TM9SF1: variants seen among roughly 807,000 people sequenced by gnomAD.
TM9SF1 encodes MP70 protein family member.
Under a neutral mutation model 52.4 loss-of-function variants are expected in TM9SF1, and 25 were observed. That is an observed-to-expected ratio of 0.48 (90% CI 0.35 to 0.67). The LOEUF is 0.67. Ranked by LOEUF, TM9SF1 falls within the 30% of genes least tolerant of loss-of-function variation. The probability of loss-of-function intolerance (pLI) is 0.01; values close to 1 mark genes in which losing one functional copy is unlikely to be tolerated. For synonymous variants in TM9SF1, 284 were observed against 299.8 expected (o/e 0.95, Z 0.55); for missense variants, 604 against 780.3 (o/e 0.77, Z 2.69).
intron 5 of TM9SF1, 159 bp from the exon 6 acceptor site, chr14:24,189,967 A>AT: frequency 7.2e-7 from 1 of 1,392,622 alleles, no homozygotes; most frequent in Non-Finnish European, 9.3e-7. Flanking sequence ...CTTCATGGGG[A>AT]TTTTTTGCCT....
In TM9SF1 at chr14:24,192,430, C is replaced by A; in HGVS notation, c.968-74G>T. 2.6e-5 allele frequency: 39 copies of A among 1,522,354 alleles called. No individual in the cohort carries two copies. The highest frequency in any genetic ancestry group is 3.5e-5 in the Non-Finnish European group (39 of 1,118,936). 94.3% of individuals were successfully genotyped at this position (1,522,354 alleles called of 1,614,324 possible). ...TCTAGCAATTTCAGAGGAATCAGCC[C>A]CCCTTCTCCCAGACCCAGGGCCTCC... On this transcript the variant is annotated intron_variant, in intron 3 of 5. Transcript: ENST00000261789. This position sits in a 1 kb window ranked among gnomAD's most constrained non-coding sequence, Gnocchi z 4.0.
rs2039335420 is a variant in TM9SF1, at chr14:24,192,424, T to A, written c.968-68A>T. ...GTCTCTTCTAGCAATTTCAGAGGAATCAGCCCCCCTTCTCCCAGACCCAGG... is the reference window on the plus strand; with the variant it reads ...GTCTCTTCTAGCAATTTCAGAGGAAACAGCCCCCCTTCTCCCAGACCCAGG... On this transcript the variant is annotated intron_variant, in intron 3 of 5. Coordinates refer to ENST00000261789, the MANE Select transcript of TM9SF1 (RefSeq NM_006405.7). The surrounding 1 kb of genome is among the most constrained non-coding windows in gnomAD (Gnocchi z 4.0). The A allele has an allele frequency of 1.3e-6, 2 of 1,538,434 alleles. No individual in the cohort carries two copies. Among genetic ancestry groups the A allele is most frequent in the South Asian group, 2.3e-5 (2 of 85,978 alleles).
intron 5 of TM9SF1, 200 bp downstream of exon 5, chr14:24,190,180 C>CG (rs1041448043): frequency 2.2e-5 from 30 of 1,378,666 alleles, no homozygotes; most frequent in Middle Eastern, 4.7e-4. Context: ...GAAATGTCTC[C>CG]GGAGAGCTTT....
chr14:24,190,859 T>G (rs1374104571), intron 4 of TM9SF1, among the ~76,000 whole-genome samples: 6 of 128,698 alleles, frequency 4.7e-5, no homozygotes, highest in East Asian at 2.3e-4. Flanking sequence ...GTGTTTTTTT[T>G]TTTTTTTTTT....
At position 24,192,558 on chromosome 14, in the gene TM9SF1, GAA is replaced by G; in HGVS notation, c.967+88_967+89del. 6.8e-7 allele frequency: 1 copy of G among 1,471,830 alleles called. No individual in the cohort carries two copies. Among genetic ancestry groups the G allele is most frequent in the Non-Finnish European group, 9.1e-7 (1 of 1,097,882 alleles). The allele number at this position is 1,471,830 out of a possible 1,614,324, so 91.2% of individuals were successfully genotyped here. A position where few individuals can be genotyped will look rare whatever the true frequency, so the allele number is the denominator to read the frequency against. ...TCCCTTAGGTCTGCCCCTCTGGATA[GAA>G]GAGAAGATCCACAGACCTTTTCTGA... On this transcript the variant is annotated intron_variant, in intron 3 of 5. Transcript: ENST00000261789. The surrounding 1 kb of genome is among the most constrained non-coding windows in gnomAD (Gnocchi z 4.0).
chr14:24,193,469 C>A (rs1397536801), intron 2 of TM9SF1, among the ~76,000 whole-genome samples, 200 bp from the exon 3 acceptor site: 1 of 151,882 alleles, frequency 6.6e-6, no homozygotes, highest in African/African-American at 2.4e-5. Context: ...TGGGTTCAAG[C>A]AATTCTCCTG....
At chr14:24,193,313 G>A (rs573285749) in intron 2 of TM9SF1, 44 bp from the exon 3 acceptor site, 2 of 1,538,646 alleles carry the variant, frequency 1.3e-6, no homozygotes, top group Non-Finnish European at 1.7e-6. Context: ...GATCTCCCCA[G>A]GCGCAGAGTT....
rs2039383417 is a variant in TM9SF1, at chr14:24,195,334, C to T, written c.-18+12G>A. The T allele has an allele frequency of 2.0e-5, 6 of 305,600 alleles. 1 individual carries two copies. Among genetic ancestry groups the T allele is most frequent in the East Asian group, 1.8e-4 (3 of 16,688 alleles). The allele number at this position is 305,600 out of a possible 1,614,324, so 18.9% of individuals were successfully genotyped here. On this transcript the variant is annotated intron_variant, in intron 1 of 5. Transcript: ENST00000261789. ...CTCGGGTCCCTTCCCGCCACAGCCC[C>T]GGGGTCCTCACCGCGCGGGAAGGGC...
At position 24,192,401 on chromosome 14, in the gene TM9SF1, C is replaced by T. The variant is rs1423590522; in HGVS notation, c.968-45G>A. On this transcript the variant is annotated intron_variant, in intron 3 of 5. Coordinates refer to ENST00000261789, the MANE Select transcript of TM9SF1 (RefSeq NM_006405.7). The surrounding 1 kb of genome is among the most constrained non-coding windows in gnomAD (Gnocchi z 4.0). ...AGCCCAAGTTAGGCCTCACCTGTGT[C>T]TCTTCTAGCAATTTCAGAGGAATCA... 1 of 1,584,838 alleles carries T rather than the reference C, an allele frequency of 6.3e-7. No individual in the cohort carries two copies. The highest frequency in any genetic ancestry group is 8.6e-7 in the Non-Finnish European group (1 of 1,159,944).
At position 24,192,281 on chromosome 14, in the gene TM9SF1, A is replaced by G. The variant is rs754380741; in HGVS notation, c.1043T>C (p.Leu348Ser). The G allele has an allele frequency of 1.2e-6, 2 of 1,614,222 alleles. No individual in the cohort carries two copies. Among genetic ancestry groups the G allele is most frequent in the Non-Finnish European group, 1.7e-6 (2 of 1,180,046 alleles). The stretch of plus-strand genomic sequence containing the variant: ...AGAGATGCAGCAGGTCAGGGCATAC[A>G]ACAAGATGGCTGCTGAGTTAATGGC... ...HGAINSAAIL[L>S]YALTCCISGY... The change falls in exon 4 of 6, where the codon TTG becomes TCG. Residue 348 changes from leucine (L) to serine (S), a missense_variant. Leu to Ser is a moderately radical substitution (Grantham distance 145). This residue lies in a region of TM9SF1 where 450 missense variants were observed against 560.1 expected (regional missense o/e 0.80). Transcript: ENST00000261789. The surrounding 1 kb of genome is among the most constrained non-coding windows in gnomAD (Gnocchi z 4.0).
chr14:24,189,888 A>G, intron 5 of TM9SF1, 80 bp from the exon 6 acceptor site: 1 of 1,493,122 alleles, frequency 6.7e-7, no homozygotes, highest in East Asian at 2.3e-5. Flanking sequence ...TCCAGCCCCC[A>G]CCCTCTCCCA....
chr14:24,192,844 T>G lies in TM9SF1; in HGVS notation c.771A>C (p.Leu257=), dbSNP rs757279787. 1 of 1,613,700 alleles carries G rather than the reference T, an allele frequency of 6.2e-7. No homozygotes were observed. Among genetic ancestry groups the G allele is most frequent in the South Asian group, 1.1e-5 (1 of 91,046 alleles). ...FLLVGFVAVI[L]MRVLRNDLAR... Reference sequence around the variant, plus strand: ...CCAGGTCATTCCGAAGCACACGCATTAGAATGACAGCCACAAAACCCACCA... The same window carrying G: ...CCAGGTCATTCCGAAGCACACGCATGAGAATGACAGCCACAAAACCCACCA... Residue 257 remains leucine (L), a synonymous_variant, in exon 3 of 6, where the codon CTA becomes CTC. Coordinates refer to ENST00000261789, the MANE Select transcript of TM9SF1 (RefSeq NM_006405.7). This position sits in a 1 kb window ranked among gnomAD's most constrained non-coding sequence, Gnocchi z 4.0.
At position 24,189,427 on chromosome 14, in the gene TM9SF1, G is replaced by C. The variant is rs2039282272; in HGVS notation, c.1809C>G (p.Leu603=). 4 of 1,612,724 alleles carry C rather than the reference G, an allele frequency of 2.5e-6. No homozygotes were observed. In the African/African-American group the frequency reaches 5.4e-5, roughly 22 times the overall value. ...LKFIRYIYVN[L]KMD is the part of the protein sequence containing the mutation. ...TGCCATACAGAACTCAGTCCATCTT[G>C]AGGTTAACATAGATATACCGGATGA... Residue 603 remains leucine (L), a synonymous_variant, in exon 6 of 6, where the codon CTC becomes CTG. Transcript: ENST00000261789.
At chr14:24,194,441 A>G (rs1245184814) in intron 2 of TM9SF1, among the ~76,000 whole-genome samples, 1 of 152,246 alleles carries the variant, frequency 6.6e-6, no homozygotes, top group African/African-American at 2.4e-5. Flanking sequence ...GGGCTCTGAT[A>G]TCAGTTCTGC....
chr14:24,189,403 GC>G lies in TM9SF1; in HGVS notation c.*11del. 1 of 1,603,734 alleles carries G rather than the reference GC, an allele frequency of 6.2e-7. No individual in the cohort carries two copies. Among genetic ancestry groups the G allele is most frequent in the African/African-American group, 1.3e-5 (1 of 74,482 alleles). ...AAAGGGAGAGAACAGCAATAGTTCT[GC>G]CATACAGAACTCAGTCCATCTTGAG... On this transcript the variant is annotated 3_prime_UTR_variant, in exon 6 of 6. Transcript: ENST00000261789.
chr14:24,189,411 G>A lies in TM9SF1; in HGVS notation c.*4C>T. 1 of 1,610,152 alleles carries A rather than the reference G, an allele frequency of 6.2e-7. No homozygotes were observed. The highest frequency in any genetic ancestry group is 8.5e-7 in the Non-Finnish European group (1 of 1,177,678). ...AGAACAGCAATAGTTCTGCCATACA[G>A]AACTCAGTCCATCTTGAGGTTAACA... On this transcript the variant is annotated 3_prime_UTR_variant, in exon 6 of 6. Coordinates refer to ENST00000261789, the MANE Select transcript of TM9SF1 (RefSeq NM_006405.7).
chr14:24,190,851 GTTTTTTT>G (rs150852398), intron 4 of TM9SF1, among the ~76,000 whole-genome samples, 198 bp from the exon 5 acceptor site: 10 of 65,440 alleles, frequency 1.5e-4, no homozygotes, highest in South Asian at 6.3e-4. Context: ...TTTGTTCTGT[GTTTTTTT>G]TTTTTTTTTT....
Position 24,189,325 on chromosome 14 carries a change from C to T in TM9SF1, c.*90G>A. 2 of 1,415,386 alleles carry T rather than the reference C, an allele frequency of 1.4e-6. No homozygotes were observed. The highest frequency in any genetic ancestry group is 1.9e-6 in the Non-Finnish European group (2 of 1,049,766). The allele number at this position is 1,415,386 out of a possible 1,614,324, so 87.7% of individuals were successfully genotyped here. On this transcript the variant is annotated 3_prime_UTR_variant, in exon 6 of 6. Coordinates refer to ENST00000261789, the MANE Select transcript of TM9SF1 (RefSeq NM_006405.7). The stretch of plus-strand genomic sequence containing the variant: ...AAGGGAAGGCAACAATGCCATCACA[C>T]AATTCAGTCAATCAGAAGAGAAGCT...
In TM9SF1 at chr14:24,193,219, C is replaced by A; in HGVS notation, c.396G>T (p.Val132=). 6.2e-7 allele frequency: 1 copy of A among 1,613,816 alleles called. No homozygotes were observed. Among genetic ancestry groups the A allele is most frequent in the Non-Finnish European group, 8.5e-7 (1 of 1,179,860 alleles). ...AGCCCCGGATTGGCAAGTCATCTACCACAAATTCAAAGTAGTACAGTTCTT... is the reference window on the plus strand; with the variant it reads ...AGCCCCGGATTGGCAAGTCATCTACAACAAATTCAAAGTAGTACAGTTCTT... The part of the protein sequence containing the change: ...AIEELYYFEF[V]VDDLPIRGFV... The change falls in exon 3 of 6, where the codon GTG becomes GTT. Residue 132 remains valine (V), a synonymous_variant. Coordinates refer to ENST00000261789, the MANE Select transcript of TM9SF1 (RefSeq NM_006405.7).
Sources: gnomAD v4.1 joint callset for allele counts (sites outside exome capture counted in the v4.1 genomes callset) on GRCh38, gnomAD v4.1.1 for gene constraint, gnomAD v4.1.1 regional missense constraint, Gnocchi (gnomAD v3.1) non-coding constraint, MANE v1.5 for transcripts, NCBI Gene and HGNC (gene_info 2026-07-23, HGNC 2026-07-21) for gene names.